The following STK10 variants were observed in gnomAD, a reference collection of about 807,000 sequenced individuals.
STK10 encodes serine/threonine-protein kinase 10.
Under a neutral mutation model 113.8 loss-of-function variants are expected in STK10, and 78 were observed. That is an observed-to-expected ratio of 0.69 (90% CI 0.57 to 0.83). The LOEUF is 0.83. STK10 is among the 40% of genes least tolerant of loss of function. STK10 has a pLI of 0.00. For synonymous variants in STK10, 465 were observed against 494.7 expected (o/e 0.94, Z 0.80); for missense variants, 1,109 against 1,280.1 (o/e 0.87, Z 2.04).
intron 1 of STK10, among the ~76,000 whole-genome samples, chr5:172,164,230 A>G (rs1274130075): frequency 6.6e-6 from 1 of 151,236 alleles, no homozygotes; most frequent in Non-Finnish European, 1.5e-5. Flanking sequence ...AAAAAAAAAA[A>G]AAAAAATTGG....
intron 12 of STK10, among the ~76,000 whole-genome samples, chr5:172,076,379 T>A (rs534981747): frequency 1.9e-5 from 1 of 53,404 alleles, no homozygotes; most frequent in Non-Finnish European, 3.3e-5. Context: ...CCTGTGCATT[T>A]GTTGTGGGGG....
chr5:172,115,364 T>G (rs1229061397), intron 4 of STK10, among the ~76,000 whole-genome samples: 1 of 152,150 alleles, frequency 6.6e-6, no homozygotes, highest in Non-Finnish European at 1.5e-5. Flanking sequence ...AATGTGAAAC[T>G]AGATGGTATC....
At chr5:172,173,582 C>T (rs1420069144) in intron 1 of STK10, among the ~76,000 whole-genome samples, 1 of 152,204 alleles carries the variant, frequency 6.6e-6, no homozygotes, top group Admixed American at 6.5e-5. Flanking sequence ...TCCCACCAGA[C>T]CCCCCAGTAG....
chr5:172,117,674 C>A (rs1362825363), intron 3 of STK10, 44 bp from the exon 4 acceptor site: 3 of 1,603,932 alleles, frequency 1.9e-6, no homozygotes, highest in East Asian at 2.2e-5. Flanking sequence ...AAGCCCTGGA[C>A]ACAGGAAACT....
intron 12 of STK10, among the ~76,000 whole-genome samples, chr5:172,071,828 T>C (rs1293831961): frequency 6.6e-6 from 1 of 152,192 alleles, no homozygotes; most frequent in African/African-American, 2.4e-5. Flanking sequence ...AAATATTATT[T>C]TCCTTTTGCA....
chr5:172,057,196 T>G, intron 15 of STK10, 153 bp downstream of exon 15: 1 of 1,113,778 alleles, frequency 9.0e-7, no homozygotes, highest in South Asian at 1.5e-5. Flanking sequence ...CTGGAGAACC[T>G]CCTGGGGCCT....
chr5:172,125,923 G>C (rs1769609916), intron 3 of STK10, among the ~76,000 whole-genome samples: 1 of 152,182 alleles, frequency 6.6e-6, no homozygotes, highest in Non-Finnish European at 1.5e-5. Flanking sequence ...GACAGGATTT[G>C]AGACTTTAGG....
intron 1 of STK10, among the ~76,000 whole-genome samples, chr5:172,161,781 G>A (rs1770476607): frequency 6.6e-6 from 1 of 152,140 alleles, no homozygotes; most frequent in South Asian, 2.1e-4. Flanking sequence ...ATCCGAGGCA[G>A]AGTACCCTAG....
chr5:172,104,568 G>GT (rs1769058093), intron 7 of STK10, among the ~76,000 whole-genome samples: 1 of 150,000 alleles, frequency 6.7e-6, no homozygotes, highest in Non-Finnish European at 1.5e-5. Flanking sequence ...GTAAATGGAT[G>GT]TCGATGCTGT....
At chr5:172,180,197 C>T (rs552237481) in intron 1 of STK10, among the ~76,000 whole-genome samples, 1 of 152,396 alleles carries the variant, frequency 6.6e-6, no homozygotes, top group Admixed American at 6.5e-5. Flanking sequence ...GGCGTGGTGG[C>T]TCACGCCTGT....
chr5:172,057,356 T>C lies in STK10; in HGVS notation c.2330A>G (p.His777Arg). ...TGCCACCGGCAGCCTCACCTTCTCA[T>C]GCTTGCGCAGCAGCTCGTGCCGCTG... ...FLQRHELLRK[H>R]EKEREQMQRY... Residue 777 changes from histidine (H) to arginine (R), a missense_variant, in exon 15 of 19, where the codon CAT becomes CGT. Coordinates refer to ENST00000176763, the MANE Select transcript of STK10 (RefSeq NM_005990.4). The C allele has an allele frequency of 1.3e-6, 2 of 1,578,438 alleles. No individual in the cohort carries two copies. Among genetic ancestry groups the C allele is most frequent in the South Asian group, 1.2e-5 (1 of 86,788 alleles).
In STK10 at chr5:172,133,772, C is replaced by T. The variant is rs966576111; in HGVS notation, c.322-6351G>A. 6.6e-6 allele frequency among the ~76,000 whole-genome samples: 1 copy of T among 152,336 alleles called. No individual in the cohort carries two copies. The highest frequency in any genetic ancestry group is 2.4e-5 in the African/African-American group (1 of 41,564). On this transcript the variant is annotated intron_variant, in intron 2 of 18. Transcript: ENST00000176763. This position sits in a 1 kb window ranked among gnomAD's most constrained non-coding sequence, Gnocchi z 4.9. ...GCAGAATATGCAAACGAATTAATTT[C>T]TGCGCTGTTTAGTAGGTTAGTTTAA...
At position 172,187,975 on chromosome 5, in the gene STK10, T is replaced by A. The variant is rs772276576; in HGVS notation, c.68A>T (p.Tyr23Phe). The change falls in exon 1 of 19, where the codon TAT becomes TTT. Residue 23 changes from tyrosine to phenylalanine, a missense_variant. Around this residue, in one of 5 missense-constraint regions of STK10, gnomAD observed 57 missense variants for 53.6 expected, o/e 1.06. Coordinates refer to ENST00000176763, the MANE Select transcript of STK10 (RefSeq NM_005990.4). The surrounding 1 kb of genome is among the most constrained non-coding windows in gnomAD (Gnocchi z 4.6). ...GTCCAGGTCGCGGCGGACGTGCTCA[T>A]ATTCGCGGGACTTTCTCTTCTCGAA... ...STFEKRKSRE[Y>F]EHVRRDLDPN... 6.2e-7 allele frequency: 1 copy of A among 1,613,590 alleles called. No individual in the cohort carries two copies. Among genetic ancestry groups the A allele is most frequent in the African/African-American group, 1.3e-5 (1 of 75,026 alleles).
intron 18 of STK10, among the ~76,000 whole-genome samples, chr5:172,049,326 G>C (rs569414784): frequency 6.6e-6 from 1 of 152,228 alleles, no homozygotes; most frequent in East Asian, 1.9e-4. Context: ...GGGCAAGGAC[G>C]GGGAGCCCAG....
intron 2 of STK10, among the ~76,000 whole-genome samples, chr5:172,149,530 G>C (rs996455915): frequency 6.9e-6 from 1 of 143,942 alleles, no homozygotes; most frequent in African/African-American, 2.8e-5. Flanking sequence ...GTCTGTGTGT[G>C]TGTGTGTGTG....
chr5:172,112,135 T>A (rs914616989), intron 4 of STK10, among the ~76,000 whole-genome samples: 11 of 152,214 alleles, frequency 7.2e-5, no homozygotes, highest in Non-Finnish European at 1.5e-4. Context: ...TGGACTAACT[T>A]GGAAGTGTAT....
chr5:172,085,018 G>A (rs934118267), intron 10 of STK10, among the ~76,000 whole-genome samples: 1 of 152,166 alleles, frequency 6.6e-6, no homozygotes, highest in African/African-American at 2.4e-5. Flanking sequence ...GCCGAGTTGG[G>A]AGGATCACTT....
chr5:172,055,233 T>C (rs1339587913), intron 16 of STK10, among the ~76,000 whole-genome samples: 1 of 151,976 alleles, frequency 6.6e-6, no homozygotes, highest in East Asian at 1.9e-4. Flanking sequence ...GGAGTCTCGC[T>C]CTGTTGCCCA....
intron 12 of STK10, among the ~76,000 whole-genome samples, chr5:172,079,546 T>C (rs1488302205): frequency 1.4e-5 from 2 of 145,564 alleles, no homozygotes; most frequent in Admixed American, 6.7e-5. Flanking sequence ...AATATATACA[T>C]ATATTTATTT....
Sources: allele counts gnomAD v4.1 joint callset (sites outside exome capture counted in the v4.1 genomes callset), GRCh38; gene constraint gnomAD v4.1.1; regional missense constraint gnomAD v4.1.1; non-coding constraint Gnocchi (gnomAD v3.1); transcripts MANE v1.5; gene names NCBI Gene and HGNC (gene_info 2026-07-23, HGNC 2026-07-21).